Variants in PEAK1 observed in about 807,000 individuals in gnomAD.
PEAK1 encodes the protein pseudopodium enriched atypical kinase 1.
In PEAK1, 54 loss-of-function variants were observed where a neutral mutation model predicts 124.7. That is an observed-to-expected ratio of 0.43 (90% CI 0.35 to 0.54). PEAK1 has a LOEUF of 0.54. PEAK1 is among the 20% of genes least tolerant of loss of function. The pLI is 0.01. For synonymous variants in PEAK1, 719 were observed against 760.0 expected, an observed-to-expected ratio of 0.95 and a Z score of 0.89; for missense variants, 2,046 against 2,134.5, an observed-to-expected ratio of 0.96 and a Z score of 0.82.
At chr15:77,119,980 G>A (rs1408052901) in intron 9 of PEAK1, among the ~76,000 whole-genome samples, 3 of 152,140 alleles carry the variant, frequency 2.0e-5, no homozygotes, top group African/African-American at 7.2e-5. Context: ...ACCTGTGAGA[G>A]GACATACCTC....
At chr15:77,338,729 A>G (rs1258567763) in intron 2 of PEAK1, among the ~76,000 whole-genome samples, 1 of 151,690 alleles carries the variant, frequency 6.6e-6, no homozygotes, top group African/African-American at 2.4e-5. Flanking sequence ...AAATTTAAAG[A>G]TATGTCTTTA....
intron 6 of PEAK1, among the ~76,000 whole-genome samples, chr15:77,198,090 T>C (rs1212863406): frequency 1.3e-5 from 2 of 152,160 alleles, no homozygotes; most frequent in African/African-American, 4.8e-5. Flanking sequence ...TGTAAAGATG[T>C]AGTATTAAAT....
intron 8 of PEAK1, among the ~76,000 whole-genome samples, chr15:77,138,930 C>CT (rs753213941): frequency 3.3e-4 from 49 of 148,092 alleles, no homozygotes; most frequent in South Asian, 8.6e-4. Context: ...TTAAACAAAA[C>CT]TTTTTTTTTT....
At chr15:77,387,696 T>A (rs1340894260) in intron 1 of PEAK1, among the ~76,000 whole-genome samples, 1 of 152,168 alleles carries the variant, frequency 6.6e-6, no homozygotes, top group African/African-American at 2.4e-5. Flanking sequence ...GAGGAAGCTA[T>A]GAGAATTCCC....
At chr15:77,286,719 T>C (rs1412174640) in intron 2 of PEAK1, among the ~76,000 whole-genome samples, 1 of 152,184 alleles carries the variant, frequency 6.6e-6, no homozygotes, top group Non-Finnish European at 1.5e-5. Context: ...AAAGTAAACA[T>C]ATATTATAGT....
chr15:77,413,658 T>A (rs1192640538), intron 1 of PEAK1, among the ~76,000 whole-genome samples: 1 of 152,222 alleles, frequency 6.6e-6, no homozygotes, highest in African/African-American at 2.4e-5. Context: ...AAGGTTTGGA[T>A]AACAGAATGG....
intron 2 of PEAK1, 141 bp downstream of exon 2, chr15:77,365,022 C>T (rs2068127382): frequency 6.3e-6 from 1 of 159,732 alleles, no homozygotes; most frequent in Admixed American, 6.5e-5. Flanking sequence ...AGTAAGCATA[C>T]TCTATATGTA....
intron 5 of PEAK1, among the ~76,000 whole-genome samples, chr15:77,279,442 C>A (rs543070700): frequency 6.6e-6 from 1 of 152,238 alleles, no homozygotes; most frequent in East Asian, 1.9e-4. Flanking sequence ...ATCTGACCCC[C>A]AATAATTGGT....
chr15:77,136,276 T>C (rs2053316211), intron 8 of PEAK1, among the ~76,000 whole-genome samples: 1 of 152,234 alleles, frequency 6.6e-6, no homozygotes, highest in Admixed American at 6.5e-5. Context: ...ACTTAGGGTA[T>C]CTGGCAGAAG....
intron 5 of PEAK1, among the ~76,000 whole-genome samples, chr15:77,266,163 T>C (rs1371565401): frequency 6.6e-6 from 1 of 152,024 alleles, no homozygotes; most frequent in African/African-American, 2.4e-5. Context: ...GATGACAAGT[T>C]AGTGGGTGCA....
At chr15:77,384,500 C>G (rs919717049) in intron 1 of PEAK1, among the ~76,000 whole-genome samples, 2 of 152,250 alleles carry the variant, frequency 1.3e-5, no homozygotes, top group East Asian at 3.9e-4. Flanking sequence ...TGTAGCTGGA[C>G]AAGTAATAGT....
At chr15:77,273,475 C>A (rs888641257) in intron 5 of PEAK1, among the ~76,000 whole-genome samples, 2 of 152,060 alleles carry the variant, frequency 1.3e-5, no homozygotes, top group Non-Finnish European at 1.5e-5. Flanking sequence ...TCAACAACAA[C>A]CAAGCTGAGA....
intron 1 of PEAK1, chr15:77,402,304 G>A: frequency 3.0e-6 from 3 of 985,108 alleles, no homozygotes; most frequent in Non-Finnish European, 3.6e-6. Context: ...TGCATATCTA[G>A]ACATCGGGGA....
At position 77,181,260 on chromosome 15, in the gene PEAK1, C is replaced by T; in HGVS notation, c.667G>A (p.Gly223Ser). 3 of 1,613,926 alleles carry T rather than the reference C, an allele frequency of 1.9e-6. No homozygotes were observed. The highest frequency in any genetic ancestry group is 2.5e-6 in the Non-Finnish European group (3 of 1,180,014). The change falls in exon 7 of 10, where the codon GGC becomes AGC. Residue 223 changes from glycine to serine, a missense_variant. By Grantham distance (56) the Gly-to-Ser change is moderately conservative. Coordinates refer to ENST00000682557, the MANE Select transcript of PEAK1 (RefSeq NM_001385026.1). The stretch of plus-strand genomic sequence containing the variant: ...GAAAACTCTGGGTAACAGAACCGGC[C>T]CCCTTCATTACTAATCACTTCTGTG... ...GSTEVISNEG[G>S]RFCYPEFSSG...
chr15:77,417,810 T>C, intron 1 of PEAK1: 1 of 985,452 alleles, frequency 1.0e-6, no homozygotes, highest in Non-Finnish European at 1.2e-6. Flanking sequence ...TTAGAAGAGT[T>C]ATTATATGAA....
At position 77,180,586 on chromosome 15, in the gene PEAK1, T is replaced by C. The variant is rs1332414044; in HGVS notation, c.1341A>G (p.Ala447=). 1 of 1,614,180 alleles carries C rather than the reference T, an allele frequency of 6.2e-7. No individual in the cohort carries two copies. Among genetic ancestry groups the C allele is most frequent in the African/African-American group, 1.3e-5 (1 of 75,044 alleles). Residue 447 remains alanine (A), a synonymous_variant, in exon 7 of 10, where the codon GCA becomes GCG. Transcript: ENST00000682557. ...CTGTGGGGACAAGGTTTATGGTTAC[T>C]GCTTGCCCAGCAACATCTGTAGAGG... ...SKASTDVAGQ[A]VTINLVPTEE...
intron 5 of PEAK1, among the ~76,000 whole-genome samples, chr15:77,272,203 T>C (rs1189968927): frequency 6.6e-6 from 1 of 152,014 alleles, no homozygotes. Flanking sequence ...CTCAAGGAGC[T>C]AGAGAAAGAA....
At chr15:77,341,382 C>T (rs1735164996) in intron 2 of PEAK1, among the ~76,000 whole-genome samples, 1 of 152,088 alleles carries the variant, frequency 6.6e-6, no homozygotes, top group African/African-American at 2.4e-5. Flanking sequence ...TGACTGTAAT[C>T]CCAGCTCCTC....
chr15:77,136,800 A>G lies in PEAK1; in HGVS notation c.3332-3050T>C, dbSNP rs571340971. On this transcript the variant is annotated intron_variant, in intron 8 of 9. Transcript: ENST00000682557. Reference sequence around the variant, plus strand: ...GTTGCAGAAATTTGCAGAAACTTGCATAAGTAACGAGGAGCTGAAGGTTAA... The same window carrying G: ...GTTGCAGAAATTTGCAGAAACTTGCGTAAGTAACGAGGAGCTGAAGGTTAA... Among the ~76,000 whole-genome samples, 25 of 152,382 alleles carry G rather than the reference A, an allele frequency of 1.6e-4. No homozygotes were observed. In the East Asian group the frequency reaches 3.7e-3, roughly 22 times the overall value.
Sources: allele counts gnomAD v4.1 joint callset (sites outside exome capture counted in the v4.1 genomes callset), GRCh38; gene constraint gnomAD v4.1.1; transcripts MANE v1.5; gene names NCBI Gene and HGNC (gene_info 2026-07-23, HGNC 2026-07-21).